The following KIAA0319 variants were observed in gnomAD, a reference collection of about 807,000 sequenced individuals.
KIAA0319 encodes the protein KIAA0319, also known as dyslexia-associated protein KIAA0319.
KIAA0319 carries 83 observed loss-of-function variants against 108.4 expected under a neutral mutation model. The ratio of observed to expected loss-of-function variants is 0.77; its 90% confidence interval spans 0.64 to 0.92. The LOEUF (loss-of-function observed/expected upper bound fraction) is 0.92. Ranked by LOEUF, KIAA0319 falls within the 40% of genes least tolerant of loss-of-function variation. The probability of loss-of-function intolerance (pLI) is 0.00; values close to 1 mark genes in which losing one functional copy is unlikely to be tolerated. For synonymous variants in KIAA0319, 484 were observed against 510.4 expected (o/e 0.95, Z 0.70); for missense variants, 1,195 against 1,322.4 (o/e 0.90, Z 1.49).
intron 3 of KIAA0319, among the ~76,000 whole-genome samples, chr6:24,595,624 G>C (rs925250709): frequency 1.3e-5 from 2 of 148,706 alleles, no homozygotes; most frequent in African/African-American, 5.0e-5. Context: ...TGGCTGACTC[G>C]TGAAGGCAGA....
chr6:24,595,944 A>C lies in KIAA0319; in HGVS notation c.730T>G (p.Ser244Ala). Residue 244 changes from serine (S) to alanine (A), a missense_variant, in exon 3 of 21, where the codon TCA (serine) becomes GCA (alanine). By Grantham distance (99) the Ser-to-Ala change is moderately conservative. Transcript: ENST00000378214. ...VLLPLPTTPS[S>A]GEVLEKEKAS... ...TTTTCTTTCTCCAACACCTCTCCTG[A>C]AGATGGAGTAGTCGGCAAGGGAAGC... is the stretch of plus-strand genomic sequence containing the variant. 1 of 1,614,126 alleles carries C rather than the reference A, an allele frequency of 6.2e-7. No individual in the cohort carries two copies.
At chr6:24,590,196 G>C (rs1025357087) in intron 3 of KIAA0319, among the ~76,000 whole-genome samples, 47 of 151,344 alleles carry the variant, frequency 3.1e-4, no homozygotes, top group African/African-American at 1.1e-3. Context: ...TTGGAGGTGT[G>C]ATCCCTTACA....
chr6:24,602,714 T>A (rs1274069606), intron 1 of KIAA0319, among the ~76,000 whole-genome samples: 1 of 151,934 alleles, frequency 6.6e-6, no homozygotes, highest in Non-Finnish European at 1.5e-5. Flanking sequence ...GGCAGGAGAA[T>A]GGCGTGAATC....
intron 1 of KIAA0319, among the ~76,000 whole-genome samples, chr6:24,605,116 T>C (rs183256119): frequency 7.4e-4 from 112 of 152,324 alleles, no homozygotes; most frequent in Admixed American, 2.2e-3. Flanking sequence ...GCTGGGATTA[T>C]AGGCATGAGC....
Position 24,572,579 on chromosome 6 carries a change from C to G in KIAA0319, c.1854G>C (p.Gln618His). 6.2e-7 allele frequency: 1 copy of G among 1,612,208 alleles called. No homozygotes were observed. The highest frequency in any genetic ancestry group is 8.5e-7 in the Non-Finnish European group (1 of 1,179,504). Residue 618 changes from glutamine to histidine, a missense_variant, in exon 11 of 21, where the codon CAG becomes CAC. Gln to His is a conservative substitution (Grantham distance 24). Transcript: ENST00000378214. ...QSTAVVTVIV[Q>H]PENNRPPVAV... ...ATCTCTTTCTCCTCCACCTACCAGGCTGGACAATCACAGTCACCACAGCAG... is the reference window on the plus strand; with the variant it reads ...ATCTCTTTCTCCTCCACCTACCAGGGTGGACAATCACAGTCACCACAGCAG...
intron 1 of KIAA0319, among the ~76,000 whole-genome samples, chr6:24,613,000 C>T (rs1363713812): frequency 1.3e-5 from 2 of 152,182 alleles, no homozygotes; most frequent in African/African-American, 4.8e-5. Context: ...GGGGTTTCAC[C>T]ACGTTAGCCA....
At chr6:24,615,827 C>A (rs2127561323) in intron 1 of KIAA0319, among the ~76,000 whole-genome samples, 1 of 152,286 alleles carries the variant, frequency 6.6e-6, no homozygotes, top group South Asian at 2.1e-4. Context: ...GACTTAGTCA[C>A]CTCCTACCAT....
intron 1 of KIAA0319, among the ~76,000 whole-genome samples, chr6:24,617,012 T>C (rs1773237994): frequency 6.6e-6 from 1 of 152,142 alleles, no homozygotes; most frequent in African/African-American, 2.4e-5. Flanking sequence ...AATTGGGGGA[T>C]GTTAAAGGGA....
rs1554164886 is a variant in KIAA0319 at position 24,595,563 on chromosome 6, A to AAAAAC, written c.801+309_801+310insGTTTT. 2.0e-3 allele frequency among the ~76,000 whole-genome samples: 287 copies of AAAAAC among 143,076 alleles called. 7 individuals carry two copies. Among genetic ancestry groups the AAAAAC allele is most frequent in the Non-Finnish European group, 3.5e-3 (233 of 65,744 alleles). 93.9% of individuals were successfully genotyped at this position (143,076 alleles called of 152,430 possible). ...TTCAATCTCAAAAAAAAAAAAAAAA[A>AAAAAC]AAAAAAACGCTACAGGCATTTCTAG... On this transcript the variant is annotated intron_variant, in intron 3 of 20. Transcript: ENST00000378214.
Position 24,559,170 on chromosome 6 carries a change from A to G in KIAA0319, c.2592-15T>C. 1 of 1,610,930 alleles carries G rather than the reference A, an allele frequency of 6.2e-7. No homozygotes were observed. The highest frequency in any genetic ancestry group is 8.5e-7 in the Non-Finnish European group (1 of 1,179,258). On this transcript the variant is annotated splice_polypyrimidine_tract_variant and intron_variant, in intron 16 of 20. Transcript: ENST00000378214. The stretch of plus-strand genomic sequence containing the variant: ...CAATCACGGTGCTGTGGAGGAGACA[A>G]TGAGAGAGGACAGCCACATGGTCAG...
At chr6:24,619,533 C>T (rs1167826569) in intron 1 of KIAA0319, among the ~76,000 whole-genome samples, 1 of 152,046 alleles carries the variant, frequency 6.6e-6, no homozygotes, top group South Asian at 2.1e-4. Flanking sequence ...AGGATAAATA[C>T]GTCCAGGGTT....
intron 2 of KIAA0319, chr6:24,598,997 A>G: frequency 1.5e-6 from 1 of 689,628 alleles, no homozygotes; most frequent in Non-Finnish European, 2.7e-6. Context: ...CTCGCCTGGA[A>G]GGGCTGAATA....
chr6:24,581,004 C>T lies in KIAA0319; in HGVS notation c.1201G>A (p.Gly401Arg), dbSNP rs201901067. 6.5e-5 allele frequency: 105 copies of T among 1,604,932 alleles called. No individual in the cohort carries two copies. Among genetic ancestry groups the T allele is most frequent in the Non-Finnish European group, 8.1e-5 (95 of 1,172,228 alleles). ...QTLNLSQLSV[G>R]LYVFKVTVSS... ...ACAGTGACTTTGAAGACATAAAGTC[C>T]GACGGACAACTGTAACATAAAGAAA... Residue 401 changes from glycine (G) to arginine (R), a missense_variant, in exon 7 of 21, where the codon GGA (glycine) becomes AGA (arginine). Transcript: ENST00000378214.
At chr6:24,540,650 CT>C (rs1554138911), downstream of KIAA0319, among the ~76,000 whole-genome samples, 10 of 146,742 alleles carry the variant, frequency 6.8e-5, no homozygotes, top group East Asian at 4.0e-4. Context: ...GACTTTGTTT[CT>C]TTTTTTTTTT....
chr6:24,547,449 G>T, intron 20 of KIAA0319, 106 bp from the exon 21 acceptor site: 1 of 936,940 alleles, frequency 1.1e-6, no homozygotes, highest in Non-Finnish European at 1.6e-6. Context: ...GGTGCTCTCC[G>T]CCCCTTGAAA....
intron 6 of KIAA0319, among the ~76,000 whole-genome samples, 166 bp from the exon 7 acceptor site, chr6:24,581,179 A>C (rs1766481784): frequency 6.6e-6 from 1 of 152,234 alleles, no homozygotes. Flanking sequence ...GCATGTTTGA[A>C]GCCTGAATTC....
chr6:24,613,679 GA>G (rs57271356), intron 1 of KIAA0319, among the ~76,000 whole-genome samples: 3,168 of 137,448 alleles, frequency 0.023, 107 homozygotes, highest in African/African-American at 0.077. Flanking sequence ...TCATTTGAGG[GA>G]AAAAAAAAAA....
At chr6:24,604,014 C>A (rs1410435212) in intron 1 of KIAA0319, among the ~76,000 whole-genome samples, 1 of 152,026 alleles carries the variant, frequency 6.6e-6, no homozygotes, top group Non-Finnish European at 1.5e-5. Flanking sequence ...CAGGAAGGAA[C>A]CAGACTAAAG....
intron 17 of KIAA0319, among the ~76,000 whole-genome samples, chr6:24,558,116 G>GA (rs113940774): frequency 1.3e-5 from 2 of 150,474 alleles, no homozygotes; most frequent in Non-Finnish European, 1.5e-5. Flanking sequence ...TTTGTAGCTA[G>GA]AAAAAAAAAG....
Sources: allele counts gnomAD v4.1 joint callset (sites outside exome capture counted in the v4.1 genomes callset), GRCh38; gene constraint gnomAD v4.1.1; transcripts MANE v1.5; gene names NCBI Gene and HGNC (gene_info 2026-07-23, HGNC 2026-07-21).